EGLN1: variants seen among roughly 807,000 people sequenced by gnomAD.
EGLN1 encodes the protein egl-9 family hypoxia inducible factor 1, also known as egl nine homolog 1.
A neutral mutation model predicts 38.3 loss-of-function variants in EGLN1; 17 were observed. The ratio of observed to expected loss-of-function variants is 0.44; its 90% CI spans 0.30 to 0.67. The LOEUF is 0.67. Ranked by LOEUF, EGLN1 falls within the 30% of genes least tolerant of loss-of-function variation. The probability of loss-of-function intolerance (pLI) is 0.08; values close to 1 mark genes in which losing one functional copy is unlikely to be tolerated. For synonymous variants in EGLN1, 283 were observed against 257.5 expected, an observed-to-expected ratio of 1.10 and a Z score of -0.95; for missense variants, 477 against 603.3, an observed-to-expected ratio of 0.79 and a Z score of 2.19.
At position 231,373,965 on chromosome 1, in the gene EGLN1, A is replaced by G. The variant is rs376138637; in HGVS notation, c.1011+15T>C. On this transcript the variant is annotated intron_variant, in intron 2 of 4. Coordinates refer to ENST00000366641, the MANE Select transcript of EGLN1 (RefSeq NM_022051.3). ...ACCTGTAAGAAAAAAATAAATGCTC[A>G]ATTAAGTTGCATACCTTGGCATCCC... is the stretch of plus-strand genomic sequence containing the variant. 71 of 1,613,470 alleles carry G rather than the reference A, an allele frequency of 4.4e-5. No individual in the cohort carries two copies. In the African/African-American group the frequency reaches 9.1e-4, roughly 21 times the overall value.
At chr1:231,386,892 T>C (rs772316098) in intron 1 of EGLN1, among the ~76,000 whole-genome samples, 5 of 152,320 alleles carry the variant, frequency 3.3e-5, no homozygotes, top group Non-Finnish European at 7.3e-5. Context: ...CAAGGTCTCA[T>C]TCTGTCACTT....
At chr1:231,384,809 T>G (rs528891835) in intron 1 of EGLN1, among the ~76,000 whole-genome samples, 1 of 152,224 alleles carries the variant, frequency 6.6e-6, no homozygotes, top group African/African-American at 2.4e-5. Flanking sequence ...TGCAACCACA[T>G]TCATTCAATT....
intron 1 of EGLN1, among the ~76,000 whole-genome samples, chr1:231,418,903 T>C (rs2491419): frequency 0.15 from 22,877 of 151,786 alleles, 2,127 homozygotes; most frequent in African/African-American, 0.25. Flanking sequence ...TCTGTATTGA[T>C]CCTAATATGA....
chr1:231,393,761 C>T (rs1374826316), intron 1 of EGLN1, among the ~76,000 whole-genome samples: 1 of 152,144 alleles, frequency 6.6e-6, no homozygotes, highest in Non-Finnish European at 1.5e-5. Context: ...CCTCATCACA[C>T]CCTCTGCCTT....
At chr1:231,406,268 G>A (rs1688792451) in intron 1 of EGLN1, among the ~76,000 whole-genome samples, 1 of 151,984 alleles carries the variant, frequency 6.6e-6, no homozygotes, top group Admixed American at 6.6e-5. Flanking sequence ...GCAGGGGACA[G>A]GACAGGGTTA....
chr1:231,375,908 T>C (rs1269213816), intron 1 of EGLN1, among the ~76,000 whole-genome samples: 1 of 152,206 alleles, frequency 6.6e-6, no homozygotes, highest in Non-Finnish European at 1.5e-5. Context: ...AAACCTGAAC[T>C]CTACATCTCA....
In EGLN1 at chr1:231,421,694, G is replaced by T. The variant is rs1481560261; in HGVS notation, c.195C>A (p.Leu65=). ...KLVCQGSEGA[L]GHGVGPHQHS... Reference sequence around the variant, plus strand: ...GCTGGTGTGGGCCCACTCCGTGGCCGAGGGCGCCCTCGCTGCCCTGGCACA... The same window carrying T: ...GCTGGTGTGGGCCCACTCCGTGGCCTAGGGCGCCCTCGCTGCCCTGGCACA... Residue 65 remains leucine (L), a synonymous_variant, in exon 1 of 5, where the codon CTC becomes CTA. Transcript: ENST00000366641. The surrounding 1 kb of genome is among the most constrained non-coding windows in gnomAD (Gnocchi z 5.5). The T allele has an allele frequency of 6.6e-6, 10 of 1,511,548 alleles. No homozygotes were observed. The highest frequency in any genetic ancestry group is 2.6e-5 in the East Asian group (1 of 37,768). 93.6% of individuals were successfully genotyped at this position (1,511,548 alleles called of 1,614,324 possible).
chr1:231,416,177 T>A (rs954943449), intron 1 of EGLN1, among the ~76,000 whole-genome samples: 37 of 151,918 alleles, frequency 2.4e-4, no homozygotes, highest in African/African-American at 7.2e-4. Context: ...ATTTTTTTTT[T>A]AATAGAGATG....
intron 1 of EGLN1, among the ~76,000 whole-genome samples, chr1:231,390,168 A>C (rs1183986847): frequency 2.6e-5 from 4 of 152,198 alleles, no homozygotes; most frequent in Non-Finnish European, 5.9e-5. Flanking sequence ...AATGCTTAAA[A>C]CAGTGTCTGG....
intron 1 of EGLN1, among the ~76,000 whole-genome samples, chr1:231,388,133 A>G (rs962770457): frequency 6.6e-6 from 1 of 152,222 alleles, no homozygotes; most frequent in Admixed American, 6.5e-5. Context: ...AGTGACTCTA[A>G]GCAAAGTGAT....
chr1:231,406,299 G>A (rs1324395820), intron 1 of EGLN1, among the ~76,000 whole-genome samples: 1 of 152,086 alleles, frequency 6.6e-6, no homozygotes, highest in East Asian at 1.9e-4. Context: ...AGGAAAAAGA[G>A]AATCATAAGC....
chr1:231,384,743 AG>A (rs1328292811), intron 1 of EGLN1, among the ~76,000 whole-genome samples: 1 of 152,254 alleles, frequency 6.6e-6, no homozygotes, highest in Admixed American at 6.5e-5. Flanking sequence ...CATGTAGAGC[AG>A]GGGCTGGCAG....
chr1:231,417,977 T>C (rs1572054617), intron 1 of EGLN1, among the ~76,000 whole-genome samples: 1 of 152,284 alleles, frequency 6.6e-6, no homozygotes. Flanking sequence ...GTGAACTAAC[T>C]TTTCCTGAGT....
intron 2 of EGLN1, 139 bp from the exon 3 acceptor site, chr1:231,370,837 G>T: frequency 1.0e-6 from 1 of 994,076 alleles, no homozygotes. Flanking sequence ...AAGATGAGCT[G>T]CAATTTTAAA....
At chr1:231,392,962 T>C (rs1241878938) in intron 1 of EGLN1, among the ~76,000 whole-genome samples, 1 of 152,204 alleles carries the variant, frequency 6.6e-6, no homozygotes, top group African/African-American at 2.4e-5. Context: ...GGTGGACATG[T>C]GGCTCAAGCC....
At chr1:231,408,778 G>A (rs1005225187) in intron 1 of EGLN1, among the ~76,000 whole-genome samples, 1 of 152,096 alleles carries the variant, frequency 6.6e-6, no homozygotes, top group Non-Finnish European at 1.5e-5. Flanking sequence ...AGTGCCAGAG[G>A]AACAGACAGG....
Position 231,411,053 on chromosome 1 carries a change from T to C in EGLN1, c.891+9945A>G, listed in dbSNP as rs1373383778. On this transcript the variant is annotated intron_variant, in intron 1 of 4. Coordinates refer to ENST00000366641, the MANE Select transcript of EGLN1 (RefSeq NM_022051.3). ...CATTTATAGAGGAAAATTGGAAATA[T>C]CAATATTAATAAGAAAAAATTCAGA... is the stretch of plus-strand genomic sequence containing the variant. Among the ~76,000 whole-genome samples the C allele has an allele frequency of 2.0e-5, 3 of 152,070 alleles. No individual in the cohort carries two copies. In the East Asian group the frequency reaches 5.8e-4, roughly 29 times the overall value.
At chr1:231,416,683 C>T (rs1404398456) in intron 1 of EGLN1, among the ~76,000 whole-genome samples, 7 of 152,046 alleles carry the variant, frequency 4.6e-5, no homozygotes, top group African/African-American at 1.2e-4. Flanking sequence ...AATCTTTTAA[C>T]GTAAAATAAA....
At chr1:231,384,254 A>G (rs1334077430) in intron 1 of EGLN1, among the ~76,000 whole-genome samples, 1 of 152,186 alleles carries the variant, frequency 6.6e-6, no homozygotes, top group East Asian at 1.9e-4. Context: ...TACGTCAGGC[A>G]CTGTTCTAGA....
Sources: allele counts gnomAD v4.1 joint callset (sites outside exome capture counted in the v4.1 genomes callset), GRCh38; gene constraint gnomAD v4.1.1; non-coding constraint Gnocchi (gnomAD v3.1); transcripts MANE v1.5; gene names NCBI Gene and HGNC (gene_info 2026-07-23, HGNC 2026-07-21).